ROBO1: variants seen among roughly 807,000 people sequenced by gnomAD.
ROBO1 encodes the protein roundabout guidance receptor 1.
In ROBO1, 149 loss-of-function variants were observed where a neutral mutation model predicts 195.9. The observed-to-expected ratio is 0.76, with a 90% CI of 0.67 to 0.87. The LOEUF (loss-of-function observed/expected upper bound fraction) is 0.87, where lower values mean the gene tolerates loss of function less well. ROBO1 is among the 40% of genes least tolerant of loss of function. The pLI, the probability that ROBO1 is intolerant of heterozygous loss-of-function variation, is 0.00. For missense variants in ROBO1, 1,933 were observed against 2,068.3 expected (o/e 0.93, Z 1.27); for synonymous variants, 816 against 733.2 (o/e 1.11, Z -1.82).
chr3:78,819,819 C>G (rs993789215), intron 4 of ROBO1, among the ~76,000 whole-genome samples: 8 of 152,168 alleles, frequency 5.3e-5, no homozygotes, highest in African/African-American at 1.9e-4. Context: ...CAACCCGATA[C>G]ACACAACACA....
intron 4 of ROBO1, among the ~76,000 whole-genome samples, chr3:78,824,600 A>G (rs577009480): frequency 6.6e-6 from 1 of 152,318 alleles, no homozygotes; most frequent in East Asian, 1.9e-4. Context: ...ACTTAAGAAA[A>G]TAAGTTTTGG....
At chr3:79,484,713 G>A (rs886969825) in intron 2 of ROBO1, among the ~76,000 whole-genome samples, 7 of 141,148 alleles carry the variant, frequency 5.0e-5, no homozygotes, top group South Asian at 2.4e-4. Context: ...TAAGTATATT[G>A]TGATAAATCA....
intron 7 of ROBO1, among the ~76,000 whole-genome samples, chr3:78,716,352 G>A (rs529712625): frequency 3.9e-4 from 59 of 151,864 alleles, no homozygotes; most frequent in African/African-American, 6.5e-4. Context: ...CAATCATGGC[G>A]GAAGGCACCT....
At chr3:79,506,538 G>A (rs946618469) in intron 2 of ROBO1, among the ~76,000 whole-genome samples, 64 of 151,694 alleles carry the variant, frequency 4.2e-4, no homozygotes, top group African/African-American at 1.2e-3. Context: ...TCCACCTCCC[G>A]GGTTCAAGTA....
intron 2 of ROBO1, among the ~76,000 whole-genome samples, chr3:79,562,492 G>A (rs913503179): frequency 1.3e-5 from 2 of 151,932 alleles, no homozygotes; most frequent in African/African-American, 4.8e-5. Flanking sequence ...TATATCATTG[G>A]GAAATCATCT....
intron 1 of ROBO1, among the ~76,000 whole-genome samples, chr3:79,724,927 C>T (rs1702851472): frequency 6.6e-6 from 1 of 152,128 alleles, no homozygotes; most frequent in Non-Finnish European, 1.5e-5. Flanking sequence ...AGTGATGGAA[C>T]CCTATCAGTG....
At chr3:79,100,925 T>C (rs2079664320) in intron 3 of ROBO1, among the ~76,000 whole-genome samples, 1 of 151,848 alleles carries the variant, frequency 6.6e-6, no homozygotes, top group Non-Finnish European at 1.5e-5. Context: ...ATCTATAATT[T>C]ACAGGATTTT....
chr3:78,884,034 A>G lies in ROBO1; in HGVS notation c.499+54567T>C, dbSNP rs75857954. 6.0e-3 allele frequency among the ~76,000 whole-genome samples: 920 copies of G among 152,272 alleles called. 11 individuals carry two copies. The highest frequency in any genetic ancestry group is 7.2e-3 in the Non-Finnish European group (492 of 68,022). Reference sequence around the variant, plus strand: ...TTTGGACTGCAAGTGAACAGTGGGGAGAATGCAGATAAAAGGAAAGGCAAA... The same window carrying G: ...TTTGGACTGCAAGTGAACAGTGGGGGGAATGCAGATAAAAGGAAAGGCAAA... On this transcript the variant is annotated intron_variant, in intron 4 of 30. Transcript: ENST00000464233.
rs552437040 is a variant in ROBO1, at chr3:79,415,823, C to A, written c.88+174001G>T. The stretch of plus-strand genomic sequence containing the variant: ...AAAATGAATAGATTAGAAACATTTT[C>A]TGGAGGCAGAACAATGATGTTGGTT... On this transcript the variant is annotated intron_variant, in intron 2 of 30. Transcript: ENST00000464233. Among the ~76,000 whole-genome samples the A allele has an allele frequency of 1.8e-4, 28 of 152,176 alleles. No homozygotes were observed. In the South Asian group the frequency reaches 5.6e-3, roughly 30 times the overall value.
At chr3:79,550,534 C>G (rs1942472877) in intron 2 of ROBO1, among the ~76,000 whole-genome samples, 1 of 152,182 alleles carries the variant, frequency 6.6e-6, no homozygotes, top group African/African-American at 2.4e-5. Context: ...CAAATTTAAA[C>G]CCAGTAACAT....
chr3:79,339,030 C>T (rs1468990908), intron 2 of ROBO1, among the ~76,000 whole-genome samples: 6 of 152,194 alleles, frequency 3.9e-5, no homozygotes, highest in African/African-American at 1.4e-4. Context: ...TTCCCACCTA[C>T]AATCCTTAAA....
intron 3 of ROBO1, among the ~76,000 whole-genome samples, chr3:79,101,901 GT>G (rs1391255699): frequency 1.3e-5 from 2 of 151,856 alleles, no homozygotes; most frequent in Non-Finnish European, 2.9e-5. Context: ...ATGCAAACAA[GT>G]TTTGTCAAAC....
chr3:79,592,516 A>G (rs924781491), intron 1 of ROBO1, among the ~76,000 whole-genome samples: 5 of 151,978 alleles, frequency 3.3e-5, no homozygotes, highest in Non-Finnish European at 7.4e-5. Context: ...TCATTTCAGT[A>G]CTTTGAAGTT....
chr3:78,724,345 A>G (rs1484136271), intron 5 of ROBO1, among the ~76,000 whole-genome samples: 1 of 151,976 alleles, frequency 6.6e-6, no homozygotes, highest in Non-Finnish European at 1.5e-5. Context: ...CTGATCGAAT[A>G]TAACATACCC....
At chr3:78,646,526 G>A (rs1007565947) in intron 20 of ROBO1, among the ~76,000 whole-genome samples, 3 of 150,714 alleles carry the variant, frequency 2.0e-5, no homozygotes, top group Non-Finnish European at 4.4e-5. Flanking sequence ...CTGTACATTA[G>A]CATTCCGATG....
intron 4 of ROBO1, among the ~76,000 whole-genome samples, chr3:78,751,772 A>G (rs1267255466): frequency 6.6e-6 from 1 of 152,152 alleles, no homozygotes; most frequent in Non-Finnish European, 1.5e-5. Flanking sequence ...TATTCATAAC[A>G]CATATGATGT....
intron 4 of ROBO1, among the ~76,000 whole-genome samples, chr3:78,834,019 A>C (rs1043874419): frequency 6.6e-6 from 1 of 152,208 alleles, no homozygotes; most frequent in Non-Finnish European, 1.5e-5. Flanking sequence ...ATCTCACAGA[A>C]TCTGACAAAG....
chr3:78,824,840 T>C (rs1269457346), intron 4 of ROBO1, among the ~76,000 whole-genome samples: 1 of 152,152 alleles, frequency 6.6e-6, no homozygotes, highest in Non-Finnish European at 1.5e-5. Flanking sequence ...TATTATTGTT[T>C]TATTAGGCAA....
At chr3:79,002,179 A>G (rs1252725755) in intron 3 of ROBO1, among the ~76,000 whole-genome samples, 3 of 152,144 alleles carry the variant, frequency 2.0e-5, no homozygotes, top group Non-Finnish European at 4.4e-5. Flanking sequence ...AGTGGCAATG[A>G]CAGGCATACA....
Sources: allele counts gnomAD v4.1 joint callset (sites outside exome capture counted in the v4.1 genomes callset), GRCh38; gene constraint gnomAD v4.1.1; transcripts MANE v1.5; gene names NCBI Gene and HGNC (gene_info 2026-07-23, HGNC 2026-07-21).